CNTNAP2: variants seen among roughly 807,000 people sequenced by gnomAD.
CNTNAP2 encodes contactin associated protein 2.
In CNTNAP2, 98 loss-of-function variants were observed where a neutral mutation model predicts 155.2. The observed-to-expected ratio is 0.63, with a 90% CI of 0.54 to 0.75. The LOEUF (loss-of-function observed/expected upper bound fraction) is 0.75. Among genes scored for constraint, CNTNAP2 ranks in the 30% least tolerant of loss-of-function variants. The pLI is 0.00. For synonymous variants in CNTNAP2, 651 were observed against 631.2 expected (o/e 1.03, Z -0.47); for missense variants, 1,727 against 1,688.1 (o/e 1.02, Z -0.40).
At chr7:147,003,606 C>T (rs578244841) in intron 3 of CNTNAP2, among the ~76,000 whole-genome samples, 107 of 151,764 alleles carry the variant, frequency 7.1e-4, no homozygotes, top group African/African-American at 2.2e-3. Context: ...CAAATAGATA[C>T]GCATGCATAT....
intron 1 of CNTNAP2, among the ~76,000 whole-genome samples, chr7:146,175,094 C>T (rs1798450899): frequency 6.6e-6 from 1 of 151,984 alleles, no homozygotes. Context: ...TCGGCTGAAA[C>T]CAGCTGTTAG....
At chr7:146,253,416 A>G (rs954598370) in intron 1 of CNTNAP2, among the ~76,000 whole-genome samples, 4 of 152,246 alleles carry the variant, frequency 2.6e-5, no homozygotes, top group African/African-American at 9.6e-5. Flanking sequence ...CACACACTGC[A>G]GCGATCACAT....
chr7:148,355,584 C>A (rs1301115693), intron 21 of CNTNAP2, among the ~76,000 whole-genome samples: 1 of 152,164 alleles, frequency 6.6e-6, no homozygotes, highest in Non-Finnish European at 1.5e-5. Context: ...CAAGGACTCT[C>A]TGAACCTAAA....
intron 2 of CNTNAP2, among the ~76,000 whole-genome samples, chr7:146,805,925 A>T (rs901548953): frequency 5.9e-5 from 9 of 152,188 alleles, no homozygotes; most frequent in African/African-American, 2.2e-4. Context: ...GCTGGCCAGA[A>T]TAATTAAAGC....
intron 18 of CNTNAP2, among the ~76,000 whole-genome samples, chr7:148,178,164 A>G (rs1016726403): frequency 6.6e-6 from 1 of 152,246 alleles, no homozygotes; most frequent in African/African-American, 2.4e-5. Flanking sequence ...CAAGTTAAGC[A>G]AGAACTTATC....
At chr7:148,139,296 C>A (rs1443696987) in intron 16 of CNTNAP2, among the ~76,000 whole-genome samples, 1 of 152,138 alleles carries the variant, frequency 6.6e-6, no homozygotes, top group East Asian at 1.9e-4. Flanking sequence ...CTCTAAAAAT[C>A]TCTACATTCA....
At chr7:147,944,100 T>A (rs1398171249) in intron 14 of CNTNAP2, among the ~76,000 whole-genome samples, 1 of 152,228 alleles carries the variant, frequency 6.6e-6, no homozygotes, top group Non-Finnish European at 1.5e-5. Context: ...TTTGTAGAAG[T>A]CCTACCTTTC....
At chr7:147,194,034 C>T (rs547164919) in intron 8 of CNTNAP2, among the ~76,000 whole-genome samples, 23 of 151,752 alleles carry the variant, frequency 1.5e-4, no homozygotes, top group South Asian at 6.3e-4. Context: ...ACATGTGCCA[C>T]GGTGGTTTGC....
At chr7:147,953,149 C>T (rs1800963557) in intron 14 of CNTNAP2, among the ~76,000 whole-genome samples, 1 of 152,180 alleles carries the variant, frequency 6.6e-6, no homozygotes, top group Non-Finnish European at 1.5e-5. Context: ...GTGTCTTGCT[C>T]ACTTTGCGTT....
At chr7:147,939,346 A>AT (rs1294385804) in intron 14 of CNTNAP2, among the ~76,000 whole-genome samples, 14 of 151,034 alleles carry the variant, frequency 9.3e-5, no homozygotes, top group African/African-American at 2.2e-4. Flanking sequence ...TTTTAATTTT[A>AT]TTTTTTTTGA....
chr7:147,307,296 G>A (rs530394189), intron 9 of CNTNAP2, among the ~76,000 whole-genome samples: 5 of 152,274 alleles, frequency 3.3e-5, no homozygotes, highest in African/African-American at 9.6e-5. Context: ...CATAAGAAAT[G>A]CCTTCAGGCC....
At chr7:147,922,261 C>T (rs1176549485) in intron 14 of CNTNAP2, among the ~76,000 whole-genome samples, 1 of 152,156 alleles carries the variant, frequency 6.6e-6, no homozygotes, top group Non-Finnish European at 1.5e-5. Flanking sequence ...TTAAGAGCAG[C>T]CCTCACATTT....
intron 11 of CNTNAP2, among the ~76,000 whole-genome samples, chr7:147,504,864 G>A (rs1798879707): frequency 6.6e-6 from 1 of 150,480 alleles, no homozygotes; most frequent in South Asian, 2.1e-4. Flanking sequence ...CATTTTTCCA[G>A]GCATTTTGGG....
chr7:147,838,572 A>G (rs1281188563), intron 13 of CNTNAP2, among the ~76,000 whole-genome samples: 1 of 152,214 alleles, frequency 6.6e-6, no homozygotes. Context: ...TCAAAGTTCC[A>G]CAAATCTCTA....
chr7:146,136,608 T>G (rs1268602911), intron 1 of CNTNAP2, among the ~76,000 whole-genome samples: 1 of 152,080 alleles, frequency 6.6e-6, no homozygotes, highest in East Asian at 1.9e-4. Flanking sequence ...CGAGGTTGGA[T>G]TCTACAGAAG....
At chr7:147,118,601 A>G (rs1801037041) in intron 5 of CNTNAP2, among the ~76,000 whole-genome samples, 1 of 151,586 alleles carries the variant, frequency 6.6e-6, no homozygotes. Context: ...AAGAGTCTGC[A>G]AAGACAAACG....
intron 1 of CNTNAP2, among the ~76,000 whole-genome samples, chr7:146,305,122 A>C (rs1040461842): frequency 2.0e-5 from 3 of 152,030 alleles, no homozygotes; most frequent in Admixed American, 2.0e-4. Context: ...TAGCTCCATC[A>C]GGTCATTTAA....
intron 1 of CNTNAP2, among the ~76,000 whole-genome samples, chr7:146,722,853 A>G (rs977451379): frequency 6.6e-6 from 1 of 152,030 alleles, no homozygotes; most frequent in Non-Finnish European, 1.5e-5. Context: ...TATCTCTACT[A>G]AAAATACAAA....
intron 8 of CNTNAP2, among the ~76,000 whole-genome samples, chr7:147,182,970 A>G (rs1041749305): frequency 6.6e-6 from 1 of 152,212 alleles, no homozygotes; most frequent in African/African-American, 2.4e-5. Context: ...ATGTGATAAG[A>G]GCTAAAGAAA....
Sources: allele counts gnomAD v4.1 joint callset (sites outside exome capture counted in the v4.1 genomes callset), GRCh38; gene constraint gnomAD v4.1.1; transcripts MANE v1.5; gene names NCBI Gene and HGNC (gene_info 2026-07-23, HGNC 2026-07-21).